Variants in HPSE2 observed in about 807,000 individuals in gnomAD.
HPSE2 encodes inactive heparanase-2.
A neutral mutation model predicts 60.5 loss-of-function variants in HPSE2; 38 were observed. That is an observed-to-expected ratio of 0.63 (90% CI 0.48 to 0.82). The LOEUF (loss-of-function observed/expected upper bound fraction) is 0.82. Among genes scored for constraint, HPSE2 ranks in the 40% least tolerant of loss-of-function variants. The pLI is 0.00. For missense variants in HPSE2, 713 were observed against 740.4 expected, an observed-to-expected ratio of 0.96 and a Z score of 0.43; for synonymous variants, 295 against 293.2, an observed-to-expected ratio of 1.01 and a Z score of -0.06.
chr10:98,588,555 C>T (rs1945000702), intron 9 of HPSE2, among the ~76,000 whole-genome samples: 1 of 151,994 alleles, frequency 6.6e-6, no homozygotes, highest in Non-Finnish European at 1.5e-5. Context: ...TCTGTGAAGC[C>T]ACAGAGGACT....
At chr10:99,014,949 T>C (rs1426181826) in intron 3 of HPSE2, among the ~76,000 whole-genome samples, 1 of 152,132 alleles carries the variant, frequency 6.6e-6, no homozygotes, top group East Asian at 1.9e-4. Context: ...ATCCAGAATC[T>C]ACAATGAACT....
chr10:98,763,447 A>G (rs1284731022), intron 3 of HPSE2, among the ~76,000 whole-genome samples: 1 of 152,070 alleles, frequency 6.6e-6, no homozygotes, highest in East Asian at 1.9e-4. Flanking sequence ...AAGAAAAAAA[A>G]TCTTGAAAAT....
chr10:99,013,997 C>A, intron 3 of HPSE2: 1 of 345,592 alleles, frequency 2.9e-6, no homozygotes. Flanking sequence ...ACCGCCTGGC[C>A]TCCCTGGCTC....
intron 4 of HPSE2, among the ~76,000 whole-genome samples, chr10:98,726,783 G>C (rs186071891): frequency 2.6e-5 from 4 of 152,082 alleles, no homozygotes; most frequent in Admixed American, 2.6e-4. Context: ...CTACAGGATA[G>C]AAGTGTGGAT....
intron 3 of HPSE2, among the ~76,000 whole-genome samples, chr10:98,918,611 T>C (rs1217034853): frequency 3.6e-5 from 5 of 139,808 alleles, no homozygotes; most frequent in South Asian, 2.4e-4. Flanking sequence ...TTCTCACTCA[T>C]AGATGGGAAT....
intron 11 of HPSE2, among the ~76,000 whole-genome samples, chr10:98,471,224 G>A (rs1940767358): frequency 6.6e-6 from 1 of 152,180 alleles, no homozygotes; most frequent in South Asian, 2.1e-4. Flanking sequence ...GAAGTTTATA[G>A]TGGGACAGTG....
At position 98,473,314 on chromosome 10, in the gene HPSE2, G is replaced by A. The variant is rs555254174; in HGVS notation, c.1613+9322C>T. ...AGCCTGACCAACATGGTGAAACCCC[G>A]TCTCTACTAAAAATACAAAAATTAG... On this transcript the variant is annotated intron_variant, in intron 11 of 11. Transcript: ENST00000370552. Among the ~76,000 whole-genome samples, 25 of 151,822 alleles carry A rather than the reference G, an allele frequency of 1.6e-4. No individual in the cohort carries two copies. In the South Asian group the frequency reaches 3.3e-3, roughly 20 times the overall value.
rs7070049 is a variant in HPSE2 at position 99,126,835 on chromosome 10, T to A, written c.610+17403A>T. The stretch of plus-strand genomic sequence containing the variant: ...CACATCATAGGACTCTTTGCAGACA[T>A]TCCCCAGAACCAGCTTGGAGCCTGG... On this transcript the variant is annotated intron_variant, in intron 3 of 11. Coordinates refer to ENST00000370552, the MANE Select transcript of HPSE2 (RefSeq NM_021828.5). This position sits in a 1 kb window ranked among gnomAD's most constrained non-coding sequence, Gnocchi z 4.0. Among the ~76,000 whole-genome samples, 1 of 152,098 alleles carries A rather than the reference T, an allele frequency of 6.6e-6. No individual in the cohort carries two copies. Among genetic ancestry groups the A allele is most frequent in the Non-Finnish European group, 1.5e-5 (1 of 68,022 alleles).
At chr10:98,762,610 T>C (rs1950030878) in intron 3 of HPSE2, among the ~76,000 whole-genome samples, 2 of 150,966 alleles carry the variant, frequency 1.3e-5, no homozygotes, top group Non-Finnish European at 2.9e-5. Flanking sequence ...GTACATGTAC[T>C]GGGTAGACTC....
the HPSE2 span, among the ~76,000 whole-genome samples, chr10:99,257,254 A>G: frequency 2.6e-5 from 4 of 152,194 alleles, no homozygotes; most frequent in Non-Finnish European, 4.4e-5. Flanking sequence ...AAAGAACAGG[A>G]TAACAGCAAT....
intron 3 of HPSE2, among the ~76,000 whole-genome samples, chr10:99,039,594 C>T (rs976591923): frequency 6.6e-6 from 1 of 151,320 alleles, no homozygotes. Context: ...GCAGCTGGTA[C>T]TCTGGTCTGT....
intron 5 of HPSE2, among the ~76,000 whole-genome samples, chr10:98,699,312 C>T (rs1021754159): frequency 4.0e-5 from 6 of 151,052 alleles, no homozygotes; most frequent in African/African-American, 1.5e-4. Context: ...TGGGCTTCAT[C>T]CCTGGGATGC....
At chr10:99,004,090 A>G (rs1162664779) in intron 3 of HPSE2, among the ~76,000 whole-genome samples, 1 of 151,962 alleles carries the variant, frequency 6.6e-6, no homozygotes, top group Non-Finnish European at 1.5e-5. Flanking sequence ...TTCCATTTGA[A>G]TGGAATATCT....
At chr10:98,751,238 C>T (rs1949750960) in intron 3 of HPSE2, among the ~76,000 whole-genome samples, 1 of 152,200 alleles carries the variant, frequency 6.6e-6, no homozygotes, top group Admixed American at 6.5e-5. Flanking sequence ...AGCTTATAGA[C>T]ATGGCTCCAG....
chr10:98,924,320 C>T (rs991459563), intron 3 of HPSE2, among the ~76,000 whole-genome samples: 14 of 152,212 alleles, frequency 9.2e-5, no homozygotes, highest in Non-Finnish European at 1.5e-4. Flanking sequence ...GGGTCAGACC[C>T]AAAGCCAGCA....
At chr10:98,703,477 A>T (rs1429627676) in intron 5 of HPSE2, among the ~76,000 whole-genome samples, 1 of 16,450 alleles carries the variant, frequency 6.1e-5, no homozygotes, top group Non-Finnish European at 3.6e-4. Context: ...GAGACACAAC[A>T]AAAAAAAGAA....
chr10:98,724,580 A>G (rs1013240387), intron 4 of HPSE2, among the ~76,000 whole-genome samples: 2 of 152,086 alleles, frequency 1.3e-5, no homozygotes, highest in Non-Finnish European at 2.9e-5. Flanking sequence ...AAAGTCTCCC[A>G]TTATTATTGT....
rs573014630 is a variant in HPSE2, at chr10:99,213,997, A to G, written c.448+18351T>C. 1.1e-4 allele frequency among the ~76,000 whole-genome samples: 17 copies of G among 152,372 alleles called. No individual in the cohort carries two copies. In the South Asian group the frequency reaches 3.3e-3, roughly 30 times the overall value. On this transcript the variant is annotated intron_variant, in intron 2 of 11. Transcript: ENST00000370552. The stretch of plus-strand genomic sequence containing the variant: ...TATCTAGAATATATGAAAAACTCTT[A>G]CAACTCAATAATAAAAAGACAAATA...
rs753225973 is a variant in HPSE2 at position 98,721,734 on chromosome 10, G to A, written c.879C>T (p.Ile293=). 6.2e-6 allele frequency: 10 copies of A among 1,613,492 alleles called. No homozygotes were observed. In the African/African-American group the frequency reaches 1.1e-4, roughly 17 times the overall value. Reference sequence around the variant, plus strand: ...ATAAGCTGGCTCTGGAATAAATCCGGATGGGCTGCAACAGGCTCTTCAGCT... The same window carrying A: ...ATAAGCTGGCTCTGGAATAAATCCGAATGGGCTGCAACAGGCTCTTCAGCT... ...YIQLKSLLQP[I]RIYSRASLYG... The change falls in exon 5 of 12, where the codon ATC becomes ATT. Residue 293 remains isoleucine (I), a synonymous_variant. Transcript: ENST00000370552.
Sources: gnomAD v4.1 joint callset for allele counts (sites outside exome capture counted in the v4.1 genomes callset) on GRCh38, gnomAD v4.1.1 for gene constraint, Gnocchi (gnomAD v3.1) non-coding constraint, MANE v1.5 for transcripts, NCBI Gene and HGNC (gene_info 2026-07-23, HGNC 2026-07-21) for gene names.